SNX29: variants seen among roughly 807,000 people sequenced by gnomAD.
SNX29 encodes sorting nexin 29, also known as sorting nexin-29.
A neutral mutation model predicts 102.1 loss-of-function variants in SNX29; 78 were observed. That is an observed-to-expected ratio of 0.76 (90% CI 0.64 to 0.92). The LOEUF is 0.92. SNX29 is among the 40% of genes least tolerant of loss of function. The pLI is 0.00. For synonymous variants in SNX29, 580 were observed against 414.5 expected (o/e 1.40, Z -4.85); for missense variants, 1,280 against 1,061.7 (o/e 1.21, Z -2.86).
chr16:11,978,487 A>C (rs1567486338), intron 1 of SNX29, among the ~76,000 whole-genome samples: 1 of 152,220 alleles, frequency 6.6e-6, no homozygotes, highest in Admixed American at 6.6e-5. Context: ...TCATCAGTTA[A>C]AGTGACTGGT....
chr16:12,559,541 C>T lies in SNX29; in HGVS notation c.2319-8965C>T, dbSNP rs561478136. Among the ~76,000 whole-genome samples the T allele has an allele frequency of 1.6e-3, 242 of 152,032 alleles. 1 individual carries two copies. The highest frequency in any genetic ancestry group is 5.6e-3 in the African/African-American group (234 of 41,426). The stretch of plus-strand genomic sequence containing the variant: ...TTGTATCTCAAAAGCATCCCCACCC[C>T]CTACATCTGTGGAAAATTTTTCTTA... On this transcript the variant is annotated intron_variant, in intron 20 of 20. Transcript: ENST00000566228.
chr16:12,512,520 CT>C (rs974915660), intron 19 of SNX29, among the ~76,000 whole-genome samples: 1 of 150,720 alleles, frequency 6.6e-6, no homozygotes, highest in Non-Finnish European at 1.5e-5. Flanking sequence ...CTCAAGTGAT[CT>C]TTCCACCTCC....
chr16:12,320,006 C>T (rs931015240), intron 15 of SNX29, among the ~76,000 whole-genome samples: 4 of 152,128 alleles, frequency 2.6e-5, no homozygotes, highest in Admixed American at 1.3e-4. Context: ...CCTGGCTGGA[C>T]GTGGCTGCAT....
At chr16:12,553,118 A>C (rs1038772018) in intron 20 of SNX29, among the ~76,000 whole-genome samples, 1 of 147,534 alleles carries the variant, frequency 6.8e-6, no homozygotes, top group African/African-American at 2.7e-5. Context: ...TCAGGCTGGG[A>C]GGGCCTTGGG....
chr16:12,435,015 G>C (rs575044261), intron 18 of SNX29, among the ~76,000 whole-genome samples: 2 of 152,166 alleles, frequency 1.3e-5, no homozygotes, highest in Non-Finnish European at 2.9e-5. Flanking sequence ...GGAAGAGGCT[G>C]TGATCTGTGA....
At chr16:12,244,902 A>G (rs1206241097) in intron 14 of SNX29, among the ~76,000 whole-genome samples, 4 of 152,256 alleles carry the variant, frequency 2.6e-5, no homozygotes, top group African/African-American at 9.6e-5. Context: ...TGTTCTCAAA[A>G]GAACAGTCAT....
chr16:12,339,848 A>G (rs1338628700), intron 15 of SNX29, among the ~76,000 whole-genome samples: 2 of 152,262 alleles, frequency 1.3e-5, no homozygotes, highest in South Asian at 2.1e-4. Flanking sequence ...TGGCTAAAGG[A>G]TGAAATACAC....
chr16:12,231,556 AC>A (rs199606816), intron 14 of SNX29, among the ~76,000 whole-genome samples: 1 of 142,568 alleles, frequency 7.0e-6, no homozygotes, highest in South Asian at 2.2e-4. Context: ...AAAACAAAAA[AC>A]AAAAACAAAA....
intron 18 of SNX29, among the ~76,000 whole-genome samples, chr16:12,466,960 G>A (rs1390000364): frequency 1.3e-5 from 2 of 152,174 alleles, no homozygotes; most frequent in African/African-American, 2.4e-5. Context: ...AGAGCCAAAG[G>A]GTGGGCACCT....
intron 15 of SNX29, among the ~76,000 whole-genome samples, chr16:12,319,122 A>G (rs2151166809): frequency 6.6e-6 from 1 of 152,242 alleles, no homozygotes; most frequent in East Asian, 1.9e-4. Flanking sequence ...GGGCACAACT[A>G]GGGGTGGGCT....
intron 13 of SNX29, among the ~76,000 whole-genome samples, chr16:12,137,216 C>T (rs986666553): frequency 5.3e-5 from 8 of 152,188 alleles, no homozygotes; most frequent in African/African-American, 1.7e-4. Context: ...CAGCATAGCT[C>T]CAGGCCCTCA....
At chr16:12,463,483 A>T (rs2086904238) in intron 18 of SNX29, among the ~76,000 whole-genome samples, 1 of 151,894 alleles carries the variant, frequency 6.6e-6, no homozygotes, top group Non-Finnish European at 1.5e-5. Flanking sequence ...GTGCAGAGAA[A>T]CTCTGCCTTA....
At chr16:12,289,962 A>G (rs1405290785) in intron 15 of SNX29, among the ~76,000 whole-genome samples, 2 of 152,160 alleles carry the variant, frequency 1.3e-5, no homozygotes, top group African/African-American at 4.8e-5. Flanking sequence ...CAGGCAACAT[A>G]AAGGGCTCGT....
chr16:12,418,194 G>A (rs1201542328), intron 18 of SNX29, among the ~76,000 whole-genome samples: 1 of 152,054 alleles, frequency 6.6e-6, no homozygotes. Context: ...ATGTTAATTG[G>A]CTGGTGATAT....
At chr16:12,449,908 T>C (rs1237862993) in intron 18 of SNX29, among the ~76,000 whole-genome samples, 1 of 152,204 alleles carries the variant, frequency 6.6e-6, no homozygotes, top group Non-Finnish European at 1.5e-5. Context: ...CCCACCCATA[T>C]CTCATCTTGA....
At chr16:12,173,870 C>G (rs1405308398) in intron 13 of SNX29, among the ~76,000 whole-genome samples, 1 of 152,196 alleles carries the variant, frequency 6.6e-6, no homozygotes, top group Non-Finnish European at 1.5e-5. Context: ...CACTCTGCCT[C>G]CCGGCTTCAA....
chr16:12,422,759 C>T (rs1044513953), intron 18 of SNX29, among the ~76,000 whole-genome samples: 3 of 152,208 alleles, frequency 2.0e-5, no homozygotes, highest in Non-Finnish European at 4.4e-5. Context: ...GAGAAGAGGC[C>T]TCCACATGGC....
intron 9 of SNX29, among the ~76,000 whole-genome samples, chr16:12,067,875 T>A (rs1195664711): frequency 1.3e-5 from 2 of 152,166 alleles, no homozygotes; most frequent in Middle Eastern, 3.2e-3. Flanking sequence ...GATTTGCATG[T>A]TTTCCTGGAA....
chr16:12,304,421 C>T lies in SNX29; in HGVS notation c.1782+26385C>T, dbSNP rs148470603. 7.7e-3 allele frequency among the ~76,000 whole-genome samples: 1,171 copies of T among 152,272 alleles called. 15 individuals are homozygous for T. Among genetic ancestry groups the T allele is most frequent in the African/African-American group, 0.026 (1,096 of 41,552 alleles). ...CTGAGTAGTTGGGACTACAGGTGCA[C>T]GCCACCATGTCTGCTGTTCAGATTT... On this transcript the variant is annotated intron_variant, in intron 15 of 20. Transcript: ENST00000566228.
Sources: allele counts gnomAD v4.1 joint callset (sites outside exome capture counted in the v4.1 genomes callset), GRCh38; gene constraint gnomAD v4.1.1; transcripts MANE v1.5; gene names NCBI Gene and HGNC (gene_info 2026-07-23, HGNC 2026-07-21).